The following TAOK3 variants were observed in gnomAD, a reference collection of about 807,000 sequenced individuals.
The protein encoded by TAOK3 is TAO kinase 3, also known as serine/threonine-protein kinase TAO3.
TAOK3 carries 40 observed loss-of-function variants against 120.4 expected under a neutral mutation model. The observed-to-expected ratio is 0.33, with a 90% confidence interval of 0.26 to 0.43. The LOEUF is 0.43. TAOK3 is among the 20% of genes least tolerant of loss of function. The pLI, the probability that TAOK3 is intolerant of heterozygous loss-of-function variation, is 1.00. For synonymous variants in TAOK3, 355 were observed against 387.5 expected, an observed-to-expected ratio of 0.92 and a Z score of 0.99; for missense variants, 821 against 1,112.1, an observed-to-expected ratio of 0.74 and a Z score of 3.72.
At chr12:118,345,906 T>G (rs1439561826) in intron 1 of TAOK3, among the ~76,000 whole-genome samples, 1 of 152,246 alleles carries the variant, frequency 6.6e-6, no homozygotes, top group South Asian at 2.1e-4. Context: ...GAAAATGAAG[T>G]GGAAGTTATA....
intron 1 of TAOK3, among the ~76,000 whole-genome samples, chr12:118,324,734 CTTTTTTTT>C (rs35462737): frequency 3.0e-4 from 21 of 69,636 alleles, no homozygotes; most frequent in Admixed American, 6.7e-4. Context: ...GAATTTCATT[CTTTTTTTT>C]TTTTTTTTTT....
chr12:118,247,738 C>T (rs1446691058), intron 3 of TAOK3, among the ~76,000 whole-genome samples: 3 of 152,262 alleles, frequency 2.0e-5, no homozygotes, highest in African/African-American at 7.2e-5. Flanking sequence ...TGGTCTCGAA[C>T]TCCTGGCCTC....
intron 9 of TAOK3, among the ~76,000 whole-genome samples, chr12:118,219,796 T>A (rs1228408236): frequency 5.1e-5 from 7 of 137,974 alleles, no homozygotes; most frequent in African/African-American, 1.3e-4. Context: ...TTTTTTTTTT[T>A]AGAGATGGGG....
At chr12:118,275,659 CAAATATTTATTAAGTACCT>C (rs1272815960) in intron 1 of TAOK3, among the ~76,000 whole-genome samples, 1 of 152,062 alleles carries the variant, frequency 6.6e-6, no homozygotes, top group Non-Finnish European at 1.5e-5. Context: ...ATTCATTTGG[CAAATATTTATTAAGTACCT>C]AATATTCATC....
rs144534286 is a variant in TAOK3 at position 118,214,097 on chromosome 12, C to T, written c.657G>A (p.Pro219=). 175 of 1,608,184 alleles carry T rather than the reference C, an allele frequency of 1.1e-4. No individual in the cohort carries two copies. The highest frequency in any genetic ancestry group is 1.3e-4 in the Non-Finnish European group (155 of 1,178,414). Residue 219 remains proline, a synonymous_variant, in exon 10 of 21, where the codon CCG becomes CCA. Transcript: ENST00000392533. The stretch of plus-strand genomic sequence containing the variant: ...TCATTGCATTCATGTTGAAAAGGGG[C>T]GGCTTCCGTTCCGCTGGAAGAGGAA... ...ITCIELAERK[P]PLFNMNAMSA... is the part of the protein sequence containing the mutation.
Position 118,208,744 on chromosome 12 carries a change from C to T in TAOK3, c.819+4170G>A, listed in dbSNP as rs192014303. 1.7e-3 allele frequency among the ~76,000 whole-genome samples: 260 copies of T among 152,240 alleles called. 1 individual carries two copies. The highest frequency in any genetic ancestry group is 6.0e-3 in the African/African-American group (248 of 41,542). ...TTTATTTTTTTGAGATGGAGTCTTG[C>T]TCTGTTGCCCAGGCTGGAGTGCAGT... On this transcript the variant is annotated intron_variant, in intron 11 of 20. Coordinates refer to ENST00000392533, the MANE Select transcript of TAOK3 (RefSeq NM_016281.4).
At chr12:118,305,343 T>C (rs2043012496) in intron 1 of TAOK3, among the ~76,000 whole-genome samples, 1 of 152,054 alleles carries the variant, frequency 6.6e-6, no homozygotes, top group African/African-American at 2.4e-5. Context: ...TAGCCGGGCA[T>C]GCATCTGTAA....
chr12:118,309,234 C>A (rs1251450298), intron 1 of TAOK3, among the ~76,000 whole-genome samples: 1 of 146,514 alleles, frequency 6.8e-6, no homozygotes. Flanking sequence ...GAGGCTGAGG[C>A]AGGAAGAATT....
intron 1 of TAOK3, among the ~76,000 whole-genome samples, chr12:118,307,228 C>A (rs7978756): frequency 6.6e-6 from 1 of 152,000 alleles, no homozygotes; most frequent in African/African-American, 2.4e-5. Context: ...CTCTTCCCCC[C>A]CCCATCTCTG....
At chr12:118,228,743 AG>A (rs1410109760) in intron 9 of TAOK3, among the ~76,000 whole-genome samples, 1 of 152,152 alleles carries the variant, frequency 6.6e-6, no homozygotes, top group Non-Finnish European at 1.5e-5. Context: ...ATGCATACGG[AG>A]TTCTTCCTTC....
intron 20 of TAOK3, 45 bp downstream of exon 20, chr12:118,152,182 C>T (rs1212988780): frequency 6.3e-7 from 1 of 1,578,214 alleles, no homozygotes; most frequent in Non-Finnish European, 8.7e-7. Context: ...TCAGCCACGC[C>T]CCCTTCCACC....
chr12:118,211,466 C>A (rs537504806), intron 11 of TAOK3, among the ~76,000 whole-genome samples: 35 of 152,260 alleles, frequency 2.3e-4, no homozygotes, highest in African/African-American at 8.4e-4. Context: ...TGGTTTACTA[C>A]ATGTTCGTTG....
chr12:118,237,642 T>C (rs575551905), intron 7 of TAOK3, among the ~76,000 whole-genome samples: 11 of 152,326 alleles, frequency 7.2e-5, no homozygotes, highest in South Asian at 2.1e-4. Flanking sequence ...ATATGAACTA[T>C]AGAAATGAGA....
intron 19 of TAOK3, among the ~76,000 whole-genome samples, chr12:118,156,866 T>C (rs1592964550): frequency 2.0e-5 from 3 of 152,142 alleles, no homozygotes; most frequent in Admixed American, 1.3e-4. Context: ...GTCTCCCAAG[T>C]AGCTGGGATT....
intron 1 of TAOK3, among the ~76,000 whole-genome samples, chr12:118,320,251 T>C (rs2043646310): frequency 6.6e-6 from 1 of 152,122 alleles, no homozygotes; most frequent in Non-Finnish European, 1.5e-5. Flanking sequence ...ATGAAAAAGT[T>C]CTGGAAATAG....
At chr12:118,250,166 G>A (rs2040687337) in intron 3 of TAOK3, among the ~76,000 whole-genome samples, 1 of 151,014 alleles carries the variant, frequency 6.6e-6, no homozygotes, top group South Asian at 2.1e-4. Context: ...CCACTATGTT[G>A]CCCAGGCTGG....
chr12:118,172,519 G>T lies in TAOK3; in HGVS notation c.1837C>A (p.Arg613Ser), dbSNP rs748197820. 1.2e-6 allele frequency: 2 copies of T among 1,614,096 alleles called. No individual in the cohort carries two copies. The highest frequency in any genetic ancestry group is 3.3e-5 in the Admixed American group (2 of 60,004). ...ATCATTATTTTCCGCTTGAAGAAAC[G>T]ACAATTTTTGTCGTAGTACAGTCTC... ...QQRLYYDKNCRFFKRKIMIKR... is the reference protein window; with the variant it reads ...QQRLYYDKNCSFFKRKIMIKR... Residue 613 changes from arginine to serine, a missense_variant, in exon 17 of 21, where the codon CGT (arginine) becomes AGT (serine). Physicochemically the swap from Arg to Ser is moderately radical, Grantham distance 110 (BLOSUM62 -1). Around this residue, in one of 2 missense-constraint regions of TAOK3, gnomAD observed 354 missense variants for 572.1 expected, o/e 0.62. Transcript: ENST00000392533.
chr12:118,246,605 C>G, intron 3 of TAOK3: 2 of 1,573,168 alleles, frequency 1.3e-6, no homozygotes, highest in Non-Finnish European at 1.7e-6. Context: ...GGAACAAGAT[C>G]GGCAAGCCCC....
intron 1 of TAOK3, among the ~76,000 whole-genome samples, chr12:118,290,622 G>C (rs141858511): frequency 6.6e-6 from 1 of 152,338 alleles, no homozygotes; most frequent in East Asian, 1.9e-4. Flanking sequence ...CTAGAGTACA[G>C]TGGCCAGATC....
Sources: gnomAD v4.1 joint callset for allele counts (sites outside exome capture counted in the v4.1 genomes callset) on GRCh38, gnomAD v4.1.1 for gene constraint, gnomAD v4.1.1 regional missense constraint, MANE v1.5 for transcripts, NCBI Gene and HGNC (gene_info 2026-07-23, HGNC 2026-07-21) for gene names.